The following RHOU variants were observed in gnomAD, a reference collection of about 807,000 sequenced individuals.
RHOU encodes ras homolog family member U.
Under a neutral mutation model 12.6 loss-of-function variants are expected in RHOU, and 8 were observed. The observed-to-expected ratio is 0.64, with a 90% confidence interval of 0.37 to 1.15. The LOEUF (loss-of-function observed/expected upper bound fraction) is 1.15. RHOU is among the 50% of genes most tolerant of loss of function. The pLI is 0.01. For missense variants in RHOU, 258 were observed against 347.0 expected (o/e 0.74, Z 2.04); for synonymous variants, 161 against 147.4 (o/e 1.09, Z -0.67).
chr1:228,699,518 C>T, the RHOU span, among the ~76,000 whole-genome samples: 1 of 131,714 alleles, frequency 7.6e-6, no homozygotes. Context: ...GCAGAAGATA[C>T]ATGAGTTTCT....
At chr1:228,665,887 A>G in the RHOU span, among the ~76,000 whole-genome samples, 1 of 152,204 alleles carries the variant, frequency 6.6e-6, no homozygotes, top group Non-Finnish European at 1.5e-5. Context: ...AAGATGTCAA[A>G]GCATCAAAAA....
intron 2 of RHOU, among the ~76,000 whole-genome samples, chr1:228,739,292 G>A (rs1335974046): frequency 6.6e-6 from 1 of 152,168 alleles, no homozygotes; most frequent in Non-Finnish European, 1.5e-5. Context: ...CCAGCCAGGC[G>A]CGGTTGCTCA....
the RHOU span, among the ~76,000 whole-genome samples, chr1:228,653,176 G>T: frequency 2.0e-5 from 3 of 152,138 alleles, no homozygotes; most frequent in African/African-American, 4.8e-5. Flanking sequence ...TTGAGACAAG[G>T]TCTCCCTCTG....
chr1:228,708,202 G>A, the RHOU span, among the ~76,000 whole-genome samples: 4 of 152,146 alleles, frequency 2.6e-5, no homozygotes, highest in East Asian at 1.9e-4. Context: ...TGAAAGTGAC[G>A]GGGAGAATGG....
the RHOU span, among the ~76,000 whole-genome samples, chr1:228,682,127 A>G: frequency 6.6e-6 from 1 of 152,172 alleles, no homozygotes; most frequent in East Asian, 1.9e-4. Flanking sequence ...TCTATTAGAG[A>G]GGAAAAATAA....
At chr1:228,700,374 C>A in the RHOU span, among the ~76,000 whole-genome samples, 1 of 152,158 alleles carries the variant, frequency 6.6e-6, no homozygotes, top group Admixed American at 6.5e-5. Flanking sequence ...GTTTCATAAA[C>A]CAGTCAACCC....
At chr1:228,657,578 AC>A in the RHOU span, among the ~76,000 whole-genome samples, 3 of 152,242 alleles carry the variant, frequency 2.0e-5, no homozygotes, top group Non-Finnish European at 4.4e-5. Context: ...TCTACAAAAG[AC>A]AAATGGAGAG....
chr1:228,732,389 G>A (rs35748396), upstream of RHOU, among the ~76,000 whole-genome samples: 4,689 of 152,242 alleles, frequency 0.031, 116 homozygotes, highest in Middle Eastern at 0.044. Context: ...AAGGCTGTAG[G>A]GGACTGATTA....
chr1:228,715,275 A>C, the RHOU span, among the ~76,000 whole-genome samples: 2 of 152,044 alleles, frequency 1.3e-5, no homozygotes, highest in African/African-American at 2.4e-5. Flanking sequence ...TTAAATAATC[A>C]TATTTCAAAT....
the RHOU span, among the ~76,000 whole-genome samples, chr1:228,673,065 A>G: frequency 6.6e-6 from 1 of 152,322 alleles, no homozygotes; most frequent in African/African-American, 2.4e-5. Context: ...TCATATTGAA[A>G]TATACGTGCC....
At chr1:228,699,447 CAAAAAAAAAAAAAA>C in the RHOU span, among the ~76,000 whole-genome samples, 3,531 of 40,804 alleles carry the variant, frequency 0.087, 217 homozygotes, top group African/African-American at 0.24. Flanking sequence ...GAACCTGTCT[CAAAAAAAAAAAAAA>C]AAAAAAAAAA....
chr1:228,703,474 T>C, the RHOU span, among the ~76,000 whole-genome samples: 7 of 150,790 alleles, frequency 4.6e-5, no homozygotes, highest in Non-Finnish European at 8.8e-5. Context: ...TGCAGTGAGC[T>C]GAGATCGCGC....
chr1:228,707,244 T>C, the RHOU span, among the ~76,000 whole-genome samples: 2 of 93,542 alleles, frequency 2.1e-5, no homozygotes, highest in Non-Finnish European at 3.8e-5. Flanking sequence ...TGTATATATA[T>C]ATATATATAT....
the RHOU span, among the ~76,000 whole-genome samples, chr1:228,702,748 C>G: frequency 6.1e-4 from 93 of 151,900 alleles, 2 homozygotes; most frequent in Non-Finnish European, 1.0e-4. Context: ...TTTATTTTAC[C>G]AACAATTTAA....
intron 2 of RHOU, among the ~76,000 whole-genome samples, chr1:228,739,300 T>C (rs1367401433): frequency 6.6e-6 from 1 of 152,156 alleles, no homozygotes; most frequent in African/African-American, 2.4e-5. Context: ...GCGCGGTTGC[T>C]CACGCCTGTA....
the RHOU span, among the ~76,000 whole-genome samples, chr1:228,680,759 G>T: frequency 2.0e-5 from 3 of 152,212 alleles, no homozygotes; most frequent in Non-Finnish European, 4.4e-5. Context: ...AGCAGGCCAT[G>T]AACTGGGCTG....
the RHOU span, among the ~76,000 whole-genome samples, chr1:228,730,248 G>T: frequency 6.6e-6 from 1 of 152,186 alleles, no homozygotes; most frequent in Admixed American, 6.5e-5. Flanking sequence ...TGAAACCCTT[G>T]TGCAGGATAC....
At chr1:228,711,082 C>G in the RHOU span, among the ~76,000 whole-genome samples, 1 of 151,858 alleles carries the variant, frequency 6.6e-6, no homozygotes, top group Non-Finnish European at 1.5e-5. Flanking sequence ...AATAAAATAC[C>G]TAGAAATCCA....
the RHOU span, among the ~76,000 whole-genome samples, chr1:228,711,233 C>A: frequency 6.6e-6 from 1 of 151,760 alleles, no homozygotes; most frequent in South Asian, 2.1e-4. Flanking sequence ...GCCATACTGC[C>A]CAAGGTAATT....
Sources: gnomAD v4.1 joint callset for allele counts (sites outside exome capture counted in the v4.1 genomes callset) on GRCh38, gnomAD v4.1.1 for gene constraint, MANE v1.5 for transcripts, NCBI Gene and HGNC (gene_info 2026-07-23, HGNC 2026-07-21) for gene names.